TTLL2: variants seen among roughly 807,000 people sequenced by gnomAD.
TTLL2 encodes the protein tubulin tyrosine ligase like 2.
A neutral mutation model predicts 7.5 loss-of-function variants in TTLL2; 10 were observed. The observed-to-expected ratio is 1.33, with a 90% CI of 0.82 to 2.25. The LOEUF (loss-of-function observed/expected upper bound fraction) is 2.25. Among genes scored for constraint, TTLL2 ranks in the 30% most tolerant of loss-of-function variants. The pLI is 0.00. For missense variants in TTLL2, 733 were observed against 735.7 expected (o/e 1.00, Z 0.04); for synonymous variants, 284 against 280.3 (o/e 1.01, Z -0.13).
chr6:167,335,305 A>G (rs1778971293), intron 1 of TTLL2, among the ~76,000 whole-genome samples: 2 of 151,324 alleles, frequency 1.3e-5, no homozygotes, highest in South Asian at 4.2e-4. Context: ...GGCAATCATT[A>G]AAAAGTCAGG....
rs1779067563 is a variant in TTLL2 at position 167,340,518 on chromosome 6, T to C, written c.618T>C (p.His206=). The change falls in exon 3 of 3, where the codon CAT becomes CAC. Residue 206 remains histidine (H), a synonymous_variant. Transcript: ENST00000239587. Reference sequence around the variant, plus strand: ...AGAGGCAGATGCTGGGCACCAAGCATAGCTATTGGATTTGCAAGCCTGCTG... The same window carrying C: ...AGAGGCAGATGCTGGGCACCAAGCACAGCTATTGGATTTGCAAGCCTGCTG... The part of the protein sequence containing the change: ...FQERQMLGTK[H]SYWICKPAEL... 6.2e-7 allele frequency: 1 copy of C among 1,614,014 alleles called. No individual in the cohort carries two copies. The highest frequency in any genetic ancestry group is 1.1e-5 in the South Asian group (1 of 91,084).
intron 1 of TTLL2, chr6:167,328,246 T>C: frequency 2.5e-6 from 1 of 400,226 alleles, no homozygotes; most frequent in Non-Finnish European, 5.0e-6. Context: ...TCTCTCCTAC[T>C]GCATCCTGTT....
chr6:167,340,042 GA>G, intron 2 of TTLL2, 62 bp from the exon 3 acceptor site: 1 of 1,516,448 alleles, frequency 6.6e-7, no homozygotes, highest in Non-Finnish European at 8.8e-7. Flanking sequence ...GGTTTCCTCA[GA>G]AAAATCTACT....
At chr6:167,328,323 A>C (rs6455543) in intron 1 of TTLL2, 19,592 of 317,602 alleles carry the variant, frequency 0.062, 2,555 homozygotes, top group African/African-American at 0.31. Flanking sequence ...CAGTGATGGA[A>C]TACATTATTT....
Position 167,340,678 on chromosome 6 carries a change from G to A in TTLL2, c.778G>A (p.Val260Ile). 1.2e-6 allele frequency: 2 copies of A among 1,614,184 alleles called. No homozygotes were observed. The highest frequency in any genetic ancestry group is 1.7e-6 in the Non-Finnish European group (2 of 1,180,028). Reference protein sequence around the residue: ...GRYKCDLRIYVCVTGFKPLTI... With the variant: ...GRYKCDLRIYICVTGFKPLTI... ...ATATAAATGTGATCTCCGCATCTATGTTTGTGTTACTGGCTTTAAGCCTTT... is the reference window on the plus strand; with the variant it reads ...ATATAAATGTGATCTCCGCATCTATATTTGTGTTACTGGCTTTAAGCCTTT... Residue 260 changes from valine (V) to isoleucine (I), a missense_variant, in exon 3 of 3, where the codon GTT becomes ATT. Physicochemically the swap from Val to Ile is conservative, Grantham distance 29. Coordinates refer to ENST00000239587, the MANE Select transcript of TTLL2 (RefSeq NM_031949.5).
rs117328237 is a variant in TTLL2 at position 167,327,998 on chromosome 6, T to C, written c.47+2778T>C. The C allele has an allele frequency of 9.9e-5, 45 of 456,272 alleles. No homozygotes were observed. In the East Asian group the frequency reaches 1.5e-3, roughly 15 times the overall value. 28.3% of individuals were successfully genotyped at this position (456,272 alleles called of 1,614,324 possible). A position where few individuals can be genotyped will look rare whatever the true frequency, so the allele number is the denominator to read the frequency against. On this transcript the variant is annotated intron_variant, in intron 1 of 2. Transcript: ENST00000239587. Reference sequence around the variant, plus strand: ...TTGACCCCAAAATATTTTCTCCTCATTTCAGTTCGATGACACCTGAAATTC... The same window carrying C: ...TTGACCCCAAAATATTTTCTCCTCACTTCAGTTCGATGACACCTGAAATTC...
At chr6:167,330,144 G>A (rs1018050326) in intron 1 of TTLL2, among the ~76,000 whole-genome samples, 7 of 152,278 alleles carry the variant, frequency 4.6e-5, no homozygotes, top group South Asian at 4.1e-4. Flanking sequence ...CCTGGCTTCC[G>A]ACCTAGAAAA....
chr6:167,326,733 G>T (rs1484539549), intron 1 of TTLL2, among the ~76,000 whole-genome samples: 3 of 152,154 alleles, frequency 2.0e-5, no homozygotes, highest in African/African-American at 7.2e-5. Flanking sequence ...TTGTGATTTT[G>T]TTTTGTGTTT....
In TTLL2 at chr6:167,336,611, C is replaced by T. The variant is rs1458026171; in HGVS notation, c.48-2036C>T. On this transcript the variant is annotated intron_variant, in intron 1 of 2. Coordinates refer to ENST00000239587, the MANE Select transcript of TTLL2 (RefSeq NM_031949.5). ...AAGAAAATCTGCAGGGAGAACTGTC[C>T]TCTTACCATAGGGACGAGAGTCCCT... 2.0e-5 allele frequency among the ~76,000 whole-genome samples: 3 copies of T among 152,134 alleles called. No individual in the cohort carries two copies. The East Asian group carries it at 5.8e-4, about 29-fold the overall frequency.
chr6:167,325,682 G>A (rs144718872), intron 1 of TTLL2, among the ~76,000 whole-genome samples: 78 of 152,272 alleles, frequency 5.1e-4, no homozygotes, highest in South Asian at 3.7e-3. Context: ...AACACACATG[G>A]TTGTAATTCA....
chr6:167,338,495 A>G, intron 1 of TTLL2, 152 bp from the exon 2 acceptor site: 1 of 905,884 alleles, frequency 1.1e-6, no homozygotes, highest in Non-Finnish European at 1.5e-6. Context: ...AAACTTATTG[A>G]TAGCATGGAA....
At chr6:167,328,386 T>C in intron 1 of TTLL2, 2 of 295,378 alleles carry the variant, frequency 6.8e-6, no homozygotes, top group Non-Finnish European at 1.3e-5. Context: ...ATCATCAAGG[T>C]ATGGAAAAAG....
chr6:167,340,032 G>T (rs1022743747), intron 2 of TTLL2, 73 bp from the exon 3 acceptor site: 1 of 1,501,542 alleles, frequency 6.7e-7, no homozygotes, highest in South Asian at 1.4e-5. Context: ...CCGGGTGCAC[G>T]GTTTCCTCAG....
Position 167,341,013 on chromosome 6 carries a change from G to A in TTLL2, c.1113G>A (p.Gly371=), listed in dbSNP as rs200555638. 6.2e-6 allele frequency: 10 copies of A among 1,613,914 alleles called. No individual in the cohort carries two copies. Among genetic ancestry groups the A allele is most frequent in the Admixed American group, 1.7e-5 (1 of 59,986 alleles). The part of the protein sequence containing the change: ...PFAANCFELF[G]FDILIDDNLK... Reference sequence around the variant, plus strand: ...CTGCCAATTGCTTTGAGCTCTTTGGGTTTGATATTTTGATTGATGACAACT... The same window carrying A: ...CTGCCAATTGCTTTGAGCTCTTTGGATTTGATATTTTGATTGATGACAACT... The change falls in exon 3 of 3, where the codon GGG becomes GGA. Residue 371 remains glycine (G), a synonymous_variant. Transcript: ENST00000239587.
chr6:167,325,290 C>G, intron 1 of TTLL2, 70 bp downstream of exon 1: 4 of 1,428,918 alleles, frequency 2.8e-6, no homozygotes, highest in Non-Finnish European at 3.7e-6. Context: ...GGACCAGCCC[C>G]TTCCCGAGAG....
In TTLL2 at chr6:167,325,349, G is replaced by A. The variant is rs1210826797; in HGVS notation, c.47+129G>A. 8 of 881,720 alleles carry A rather than the reference G, an allele frequency of 9.1e-6. No homozygotes were observed. In the South Asian group the frequency reaches 9.4e-5, roughly 10 times the overall value. 54.6% of individuals were successfully genotyped at this position (881,720 alleles called of 1,614,324 possible). ...GCAGCGAGTGTGCACTGGGACCCCCGAGGGGCAATTTGTAGTCAGCCCTTC... is the reference window on the plus strand; with the variant it reads ...GCAGCGAGTGTGCACTGGGACCCCCAAGGGGCAATTTGTAGTCAGCCCTTC... On this transcript the variant is annotated intron_variant, in intron 1 of 2. Transcript: ENST00000239587.
At chr6:167,330,343 AG>A (rs1778905332) in intron 1 of TTLL2, among the ~76,000 whole-genome samples, 1 of 152,132 alleles carries the variant, frequency 6.6e-6, no homozygotes, top group Non-Finnish European at 1.5e-5. Flanking sequence ...GGATCACCTG[AG>A]GTCAGGGGTT....
chr6:167,336,295 C>A (rs959171419), intron 1 of TTLL2, among the ~76,000 whole-genome samples: 2 of 152,002 alleles, frequency 1.3e-5, no homozygotes, highest in African/African-American at 4.8e-5. Context: ...TTCTCCACAT[C>A]CTCGCCAGCC....
chr6:167,326,596 G>T (rs1778850796), intron 1 of TTLL2, among the ~76,000 whole-genome samples: 1 of 152,140 alleles, frequency 6.6e-6, no homozygotes, highest in Admixed American at 6.5e-5. Context: ...CCCAATAAAG[G>T]TGGGATATTT....
Sources: allele counts gnomAD v4.1 joint callset (sites outside exome capture counted in the v4.1 genomes callset), GRCh38; gene constraint gnomAD v4.1.1; transcripts MANE v1.5; gene names NCBI Gene and HGNC (gene_info 2026-07-23, HGNC 2026-07-21).